The following HOXC8 variants were observed in gnomAD, a reference collection of about 807,000 sequenced individuals.
The protein encoded by HOXC8 is homeobox C8.
HOXC8 carries 14 observed loss-of-function variants against 25.8 expected under a neutral mutation model. The ratio of observed to expected loss-of-function variants is 0.54; its 90% CI spans 0.36 to 0.85. The LOEUF is 0.85. HOXC8 is among the 40% of genes least tolerant of loss of function. The pLI, the probability that HOXC8 is intolerant of heterozygous loss-of-function variation, is 0.01. For synonymous variants in HOXC8, 144 were observed against 124.6 expected (o/e 1.16, Z -1.04); for missense variants, 316 against 308.8 (o/e 1.02, Z -0.17).
In HOXC8 at chr12:54,009,719, C is replaced by G; in HGVS notation, c.435C>G (p.His145Gln). ...PSLMFPWMRP[H>Q]APGRRSGRQT... Reference sequence around the variant, plus strand: ...TCATGTTTCCATGGATGAGACCCCACGGTGAGAAGCCTTTTCTCTTTCCCC... The same window carrying G: ...TCATGTTTCCATGGATGAGACCCCAGGGTGAGAAGCCTTTTCTCTTTCCCC... The change falls in exon 1 of 2, where the codon CAC becomes CAG. Residue 145 changes from histidine to glutamine, a missense_variant and splice_region_variant. By Grantham distance (24) the His-to-Gln change is conservative. Transcript: ENST00000040584. This position sits in a 1 kb window ranked among gnomAD's most constrained non-coding sequence, Gnocchi z 5.0. 1 of 1,612,488 alleles carries G rather than the reference C, an allele frequency of 6.2e-7. No homozygotes were observed. Among genetic ancestry groups the G allele is most frequent in the East Asian group, 2.2e-5 (1 of 44,848 alleles).
In HOXC8 at chr12:54,009,321, T is replaced by C. The variant is rs766632582; in HGVS notation, c.37T>C (p.Tyr13His). ...SYFVNPLFSK[Y>H]KAGESLEPAY... ...CTTCGTCAACCCCCTGTTCTCCAAATACAAAGCCGGCGAGTCCCTGGAACC... is the reference window on the plus strand; with the variant it reads ...CTTCGTCAACCCCCTGTTCTCCAAACACAAAGCCGGCGAGTCCCTGGAACC... Residue 13 changes from tyrosine to histidine, a missense_variant, in exon 1 of 2, where the codon TAC (tyrosine) becomes CAC (histidine). Coordinates refer to ENST00000040584, the MANE Select transcript of HOXC8 (RefSeq NM_022658.4). This position sits in a 1 kb window ranked among gnomAD's most constrained non-coding sequence, Gnocchi z 5.0. The C allele has an allele frequency of 1.5e-5, 24 of 1,604,128 alleles. No homozygotes were observed. Among genetic ancestry groups the C allele is most frequent in the Non-Finnish European group, 2.0e-5 (24 of 1,173,338 alleles).
chr12:54,011,120 C>G lies in HOXC8; in HGVS notation c.468C>G (p.Tyr156Ter). The change falls in exon 2 of 2, where the codon TAC becomes TAG. Residue 156 changes from tyrosine to a stop codon, truncating the protein, a stop_gained. Transcript: ENST00000040584. LOFTEE classifies it high-confidence loss of function. ...GGAGGCGCAGTGGACGGCAAACTTA[C>G]AGCCGGTATCAGACCTTGGAACTAG... The part of the protein sequence containing the change: ...APGRRSGRQT[Y>*]SRYQTLELEK... 2 of 1,614,130 alleles carry G rather than the reference C, an allele frequency of 1.2e-6. No individual in the cohort carries two copies. Among genetic ancestry groups the G allele is most frequent in the South Asian group, 1.1e-5 (1 of 91,080 alleles).
rs1356260633 is a variant in HOXC8 at position 54,009,011 on chromosome 12, C to G, written c.-274C>G. 1 of 150,046 alleles carries G rather than the reference C, an allele frequency of 6.7e-6. No homozygotes were observed. The allele number at this position is 150,046 out of a possible 1,614,324, so 9.3% of individuals were successfully genotyped here. On this transcript the variant is annotated 5_prime_UTR_variant, in exon 1 of 2. Transcript: ENST00000040584. The surrounding 1 kb of genome is among the most constrained non-coding windows in gnomAD (Gnocchi z 5.0). ...AGTGAGAGAGCGCGAGCTCTACCTA[C>G]CGACAGTGAGGAGCGCCGCCGCCGC...
chr12:54,011,564 CT>C lies in HOXC8; in HGVS notation c.*186del. 1 of 738,402 alleles carries C rather than the reference CT, an allele frequency of 1.4e-6. No homozygotes were observed. Among genetic ancestry groups the C allele is most frequent in the Non-Finnish European group, 2.0e-6 (1 of 509,042 alleles). The allele number at this position is 738,402 out of a possible 1,614,324, so 45.7% of individuals were successfully genotyped here. On this transcript the variant is annotated 3_prime_UTR_variant, in exon 2 of 2. Transcript: ENST00000040584. ...TTATTACCTTTGGACTTCCCCCACT[CT>C]TTATTTGTTTGGGGGCTGGAGGGGG...
chr12:54,010,924 C>T (rs1294715173), intron 1 of HOXC8, among the ~76,000 whole-genome samples, 165 bp from the exon 2 acceptor site: 4 of 106,754 alleles, frequency 3.7e-5, no homozygotes, highest in Non-Finnish European at 7.3e-5. Context: ...CAAACAAAAA[C>T]AATCCCCCAA....
chr12:54,011,462 G>T lies in HOXC8; in HGVS notation c.*81G>T. 2 of 1,439,110 alleles carry T rather than the reference G, an allele frequency of 1.4e-6. No homozygotes were observed. Among genetic ancestry groups the T allele is most frequent in the Non-Finnish European group, 1.8e-6 (2 of 1,104,834 alleles). 89.1% of individuals were successfully genotyped at this position (1,439,110 alleles called of 1,614,324 possible). A position where few individuals can be genotyped will look rare whatever the true frequency, so the allele number is the denominator to read the frequency against. On this transcript the variant is annotated 3_prime_UTR_variant, in exon 2 of 2. Transcript: ENST00000040584. ...GTAGCAGATAAATTGAGAAGTTTAC[G>T]ACTGTCATTTGCTTTTATAGAGAAT...
Position 54,009,268 on chromosome 12 carries a change from G to T in HOXC8, c.-17G>T. ...TGAGCCAGAGGGGAGGGGGCCGCGG[G>T]TTTTCATGTACCCAGCATGAGCTCC... On this transcript the variant is annotated 5_prime_UTR_variant, in exon 1 of 2. Coordinates refer to ENST00000040584, the MANE Select transcript of HOXC8 (RefSeq NM_022658.4). The surrounding 1 kb of genome is among the most constrained non-coding windows in gnomAD (Gnocchi z 5.0). 9 of 1,555,202 alleles carry T rather than the reference G, an allele frequency of 5.8e-6. No homozygotes were observed. Among genetic ancestry groups the T allele is most frequent in the Non-Finnish European group, 7.8e-6 (9 of 1,147,802 alleles).
In HOXC8 at chr12:54,009,275, T is replaced by G; in HGVS notation, c.-10T>G. Reference sequence around the variant, plus strand: ...GAGGGGAGGGGGCCGCGGGTTTTCATGTACCCAGCATGAGCTCCTACTTCG... The same window carrying G: ...GAGGGGAGGGGGCCGCGGGTTTTCAGGTACCCAGCATGAGCTCCTACTTCG... On this transcript the variant is annotated 5_prime_UTR_variant, in exon 1 of 2. An upstream start codon of the reference 5' UTR is lost. Transcript: ENST00000040584. The surrounding 1 kb of genome is among the most constrained non-coding windows in gnomAD (Gnocchi z 5.0). 5 of 1,564,942 alleles carry G rather than the reference T, an allele frequency of 3.2e-6. No individual in the cohort carries two copies. The highest frequency in any genetic ancestry group is 1.4e-5 in the African/African-American group (1 of 73,316).
At chr12:54,010,520 A>G (rs1204192321) in intron 1 of HOXC8, among the ~76,000 whole-genome samples, 1 of 152,208 alleles carries the variant, frequency 6.6e-6, no homozygotes, top group East Asian at 1.9e-4. Flanking sequence ...ATTTCGAAGT[A>G]CAGGGGGAAG....
At chr12:54,010,287 C>G (rs1043911428) in intron 1 of HOXC8, among the ~76,000 whole-genome samples, 1 of 152,172 alleles carries the variant, frequency 6.6e-6, no homozygotes, top group African/African-American at 2.4e-5. Flanking sequence ...CTGAGGGCCA[C>G]TACCCCAACT....
Position 54,009,324 on chromosome 12 carries a change from A to G in HOXC8, c.40A>G (p.Lys14Glu). The change falls in exon 1 of 2, where the codon AAA (lysine) becomes GAA (glutamate). Residue 14 changes from lysine (K) to glutamate (E), a missense_variant. Transcript: ENST00000040584. The surrounding 1 kb of genome is among the most constrained non-coding windows in gnomAD (Gnocchi z 5.0). ...YFVNPLFSKYKAGESLEPAYY... is the reference protein window; with the variant it reads ...YFVNPLFSKYEAGESLEPAYY... ...CGTCAACCCCCTGTTCTCCAAATAC[A>G]AAGCCGGCGAGTCCCTGGAACCGGC... 6 of 1,604,362 alleles carry G rather than the reference A, an allele frequency of 3.7e-6. No individual in the cohort carries two copies. The highest frequency in any genetic ancestry group is 5.1e-6 in the Non-Finnish European group (6 of 1,173,438).
Position 54,011,398 on chromosome 12 carries a change from C to CT in HOXC8, c.*17_*18insT. The CT allele has an allele frequency of 7.1e-7, 1 of 1,399,648 alleles. No homozygotes were observed. Among genetic ancestry groups the CT allele is most frequent in the South Asian group, 1.6e-5 (1 of 63,770 alleles). 86.7% of individuals were successfully genotyped at this position (1,399,648 alleles called of 1,614,324 possible). ...AAGGACTAAGCAAAAAAGAAAGACC[C>CT]CCCCCCCCTTAGCAACTCCCTTGAA... On this transcript the variant is annotated 3_prime_UTR_variant, in exon 2 of 2. Coordinates refer to ENST00000040584, the MANE Select transcript of HOXC8 (RefSeq NM_022658.4).
rs975385841 is a variant in HOXC8, at chr12:54,010,982, G to A, written c.437-107G>A. ...CTGCTCTAGCCTTTTCCATAGAGGG[G>A]AGGCGAACTGAGGAGATCAGAGAGG... On this transcript the variant is annotated intron_variant, in intron 1 of 1. Coordinates refer to ENST00000040584, the MANE Select transcript of HOXC8 (RefSeq NM_022658.4). 27 of 736,158 alleles carry A rather than the reference G, an allele frequency of 3.7e-5. No homozygotes were observed. In the African/African-American group the frequency reaches 4.0e-4, roughly 11 times the overall value. 45.6% of individuals were successfully genotyped at this position (736,158 alleles called of 1,614,324 possible).
chr12:54,011,149 AG>A lies in HOXC8; in HGVS notation c.499del (p.Glu167SerfsTer8). ...YSRYQTLELE[K>X]EFLFNPYLTR... is the part of the protein sequence containing the mutation. ...CGGTATCAGACCTTGGAACTAGAAA[AG>A]GAGTTTCTCTTTAATCCTTATTTGA... is the stretch of plus-strand genomic sequence containing the variant. On this transcript the variant is annotated frameshift_variant, in exon 2 of 2. Transcript: ENST00000040584. LOFTEE classifies it high-confidence loss of function. 6.2e-7 allele frequency: 1 copy of A among 1,614,208 alleles called. No homozygotes were observed. Among genetic ancestry groups the A allele is most frequent in the Non-Finnish European group, 8.5e-7 (1 of 1,180,038 alleles).
In HOXC8 at chr12:54,009,743, C is replaced by T. The variant is rs1403126357; in HGVS notation, c.436+23C>T. On this transcript the variant is annotated intron_variant, in intron 1 of 1. Coordinates refer to ENST00000040584, the MANE Select transcript of HOXC8 (RefSeq NM_022658.4). This position sits in a 1 kb window ranked among gnomAD's most constrained non-coding sequence, Gnocchi z 5.0. ...ACGGTGAGAAGCCTTTTCTCTTTCC[C>T]CCTTGGTCTCCCGCGCTCCAGGGTT... 3.1e-6 allele frequency: 5 copies of T among 1,598,872 alleles called. No homozygotes were observed. The highest frequency in any genetic ancestry group is 4.3e-6 in the Non-Finnish European group (5 of 1,167,604).
At chr12:54,010,426 C>A (rs987762342) in intron 1 of HOXC8, among the ~76,000 whole-genome samples, 14 of 152,202 alleles carry the variant, frequency 9.2e-5, no homozygotes, top group African/African-American at 3.4e-4. Context: ...GCCGCCCCCC[C>A]AATCAAGGAC....
chr12:54,011,502 AACTCTAACTACCTGTCAGAT>A lies in HOXC8; in HGVS notation c.*125_*144del. ...TTATAGAGAATAGAATGACACTCAC[AACTCTAACTACCTGTCAGAT>A]ACTTGCAGCTCTGGTTTTATTACCT... On this transcript the variant is annotated 3_prime_UTR_variant, in exon 2 of 2. Transcript: ENST00000040584. The A allele has an allele frequency of 8.4e-7, 1 of 1,189,080 alleles. No individual in the cohort carries two copies. The highest frequency in any genetic ancestry group is 1.1e-6 in the Non-Finnish European group (1 of 897,750). The allele number at this position is 1,189,080 out of a possible 1,614,324, so 73.7% of individuals were successfully genotyped here.
chr12:54,010,230 C>T (rs1342868058), intron 1 of HOXC8, among the ~76,000 whole-genome samples: 1 of 152,200 alleles, frequency 6.6e-6, no homozygotes, highest in Non-Finnish European at 1.5e-5. Context: ...TAAGGACAGG[C>T]TCTCTGGCTC....
In HOXC8 at chr12:54,011,885, G is replaced by A. The variant is rs926696461; in HGVS notation, c.*504G>A. 6.6e-6 allele frequency: 1 copy of A among 151,992 alleles called. No individual in the cohort carries two copies. Among genetic ancestry groups the A allele is most frequent in the African/African-American group, 2.4e-5 (1 of 41,348 alleles). The allele number at this position is 151,992 out of a possible 1,614,324, so 9.4% of individuals were successfully genotyped here. On this transcript the variant is annotated 3_prime_UTR_variant, in exon 2 of 2. Coordinates refer to ENST00000040584, the MANE Select transcript of HOXC8 (RefSeq NM_022658.4). ...GAAAGGACAGAAAAAAATGAAGAAA[G>A]GAAAGGAAGACAAATGTAAAGAAAT...
Sources: allele counts gnomAD v4.1 joint callset (sites outside exome capture counted in the v4.1 genomes callset), GRCh38; gene constraint gnomAD v4.1.1; non-coding constraint Gnocchi (gnomAD v3.1); transcripts MANE v1.5; gene names NCBI Gene and HGNC (gene_info 2026-07-23, HGNC 2026-07-21).